Variants in VPS13C observed in about 807,000 individuals in gnomAD.
VPS13C encodes vacuolar protein sorting 13 homolog C, also known as intermembrane lipid transfer protein VPS13C.
VPS13C carries 358 observed loss-of-function variants against 456.8 expected under a neutral mutation model. That is an observed-to-expected ratio of 0.78 (90% CI 0.72 to 0.86). The LOEUF (loss-of-function observed/expected upper bound fraction) is 0.86. Among genes scored for constraint, VPS13C ranks in the 40% least tolerant of loss-of-function variants. VPS13C has a pLI of 0.00. For missense variants in VPS13C, 4,818 were observed against 4,385.4 expected (o/e 1.10, Z -2.79); for synonymous variants, 1,578 against 1,486.7 (o/e 1.06, Z -1.41).
chr15:61,917,997 A>G (rs542476436), intron 59 of VPS13C, 139 bp downstream of exon 59: 2 of 806,060 alleles, frequency 2.5e-6, no homozygotes, highest in Admixed American at 3.1e-5. Flanking sequence ...ATATAAATGT[A>G]TTTCTCAATG....
chr15:61,973,321 G>T, intron 26 of VPS13C, 133 bp downstream of exon 26: 1 of 673,596 alleles, frequency 1.5e-6, no homozygotes, highest in Non-Finnish European at 2.5e-6. Context: ...TCACACTAAT[G>T]TAGCACAACT....
intron 2 of VPS13C, 151 bp downstream of exon 2, chr15:62,044,061 C>A: frequency 1.9e-6 from 1 of 515,860 alleles, no homozygotes; most frequent in Non-Finnish European, 3.4e-6. Flanking sequence ...TCTTTAATCT[C>A]AGATTTTCCA....
In VPS13C at chr15:61,963,851, G is replaced by T. The variant is rs113616681; in HGVS notation, c.3315C>A (p.Ala1105=). The change falls in exon 32 of 85, where the codon GCC becomes GCA. Residue 1105 remains alanine (A), a synonymous_variant. Transcript: ENST00000644861. ...AACTTTTACCTTGAATCTTGATTTC[G>T]GCGATATTGTTCTTTTCGTTGCAAA... is the stretch of plus-strand genomic sequence containing the variant. ...VIVCNEKNNI[A]EIKIQGLDSS... is the part of the protein sequence containing the mutation. 6.2e-7 allele frequency: 1 copy of T among 1,606,788 alleles called. No individual in the cohort carries two copies. Among genetic ancestry groups the T allele is most frequent in the Non-Finnish European group, 8.5e-7 (1 of 1,176,414 alleles).
chr15:62,020,540 T>C lies in VPS13C; in HGVS notation c.625-2A>G, dbSNP rs2047425898. On this transcript the variant is annotated splice_acceptor_variant, in intron 8 of 84. Coordinates refer to ENST00000644861, the MANE Select transcript of VPS13C (RefSeq NM_020821.3). LOFTEE classifies it high-confidence loss of function. ...AAGAGGCCGCTTTGGATCAGTGACC[T>C]ACCAAAGAAGAAAAGATAACAGTAA... 6.2e-7 allele frequency: 1 copy of C among 1,611,010 alleles called. No individual in the cohort carries two copies. The highest frequency in any genetic ancestry group is 8.5e-7 in the Non-Finnish European group (1 of 1,178,198).
In VPS13C at chr15:61,929,746, A is replaced by G. The variant is rs749499813; in HGVS notation, c.6041T>C (p.Met2014Thr). 4 of 1,607,462 alleles carry G rather than the reference A, an allele frequency of 2.5e-6. No individual in the cohort carries two copies. The Admixed American group carries it at 6.7e-5, about 27-fold the overall frequency. The change falls in exon 51 of 85, where the codon ATG (methionine) becomes ACG (threonine). Residue 2014 changes from methionine to threonine, a missense_variant and splice_region_variant. Physicochemically the swap from Met to Thr is moderately conservative, Grantham distance 81 (BLOSUM62 -1). Coordinates refer to ENST00000644861, the MANE Select transcript of VPS13C (RefSeq NM_020821.3). The stretch of plus-strand genomic sequence containing the variant: ...ATCTTGGTCATTCTTTCTGTCAATC[A>G]TTCTGAAAAAAAACATGCTATTCAT... ...REGIERATSRMIDRKNDQDNN... is the reference protein window; with the variant it reads ...REGIERATSRTIDRKNDQDNN...
At chr15:61,884,874 A>G (rs992931396) in intron 67 of VPS13C, among the ~76,000 whole-genome samples, 5 of 152,116 alleles carry the variant, frequency 3.3e-5, no homozygotes, top group Admixed American at 2.6e-4. Flanking sequence ...TTGAGCATAT[A>G]TATCACTTGG....
At position 61,869,677 on chromosome 15, in the gene VPS13C, T is replaced by C. The variant is rs1046724212; in HGVS notation, c.10625-54A>G. The stretch of plus-strand genomic sequence containing the variant: ...TAAAGATATTTTTAAATGAGCAAGT[T>C]TGAGCTCAACCAAAACCTGGGCCAG... On this transcript the variant is annotated intron_variant, in intron 79 of 84. Coordinates refer to ENST00000644861, the MANE Select transcript of VPS13C (RefSeq NM_020821.3). The C allele has an allele frequency of 6.2e-6, 10 of 1,606,598 alleles. No homozygotes were observed. The Admixed American group carries it at 1.2e-4, about 19-fold the overall frequency.
Position 61,984,862 on chromosome 15 carries a change from T to A in VPS13C, c.1716A>T (p.Ala572=). Reference sequence around the variant, plus strand: ...ATAAGTTTTTAAAAACTTACTTAAGTGCTTGTGCTCCTGGTCGCTGAGATA... The same window carrying A: ...ATAAGTTTTTAAAAACTTACTTAAGAGCTTGTGCTCCTGGTCGCTGAGATA... The part of the protein sequence containing the change: ...TQVSQRPGAQ[A]LKVEAKLEHW... The change falls in exon 19 of 85, where the codon GCA becomes GCT. Residue 572 remains alanine (A), a synonymous_variant. Transcript: ENST00000644861. The A allele has an allele frequency of 1.2e-6, 2 of 1,613,176 alleles. No homozygotes were observed. Among genetic ancestry groups the A allele is most frequent in the Non-Finnish European group, 1.7e-6 (2 of 1,179,758 alleles).
Position 61,973,446 on chromosome 15 carries a change from T to G in VPS13C, c.2617+8A>C, listed in dbSNP as rs2140356896. 6.2e-7 allele frequency: 1 copy of G among 1,605,192 alleles called. No homozygotes were observed. The highest frequency in any genetic ancestry group is 2.2e-5 in the East Asian group (1 of 44,730). On this transcript the variant is annotated splice_region_variant and intron_variant, in intron 26 of 84. Coordinates refer to ENST00000644861, the MANE Select transcript of VPS13C (RefSeq NM_020821.3). Reference sequence around the variant, plus strand: ...TTTAATAGAGAAAGAGTATTTTACTTTCCTTACCTGATTCCACAGTGTCTA... The same window carrying G: ...TTTAATAGAGAAAGAGTATTTTACTGTCCTTACCTGATTCCACAGTGTCTA...
At chr15:61,877,102 A>G (rs751517579) in intron 74 of VPS13C, 48 bp from the exon 75 acceptor site, 1 of 1,433,144 alleles carries the variant, frequency 7.0e-7, no homozygotes, top group East Asian at 2.4e-5. Flanking sequence ...ATTATATGAT[A>G]AAAAAAGAGA....
intron 16 of VPS13C, among the ~76,000 whole-genome samples, chr15:61,996,957 T>C (rs2046404851): frequency 6.6e-6 from 1 of 150,518 alleles, no homozygotes; most frequent in South Asian, 2.1e-4. Context: ...ATCTTATACA[T>C]ATGGCTGTTT....
At chr15:62,010,354 C>T in intron 13 of VPS13C, 118 bp downstream of exon 13, 1 of 1,143,854 alleles carries the variant, frequency 8.7e-7, no homozygotes, top group Non-Finnish European at 1.2e-6. Flanking sequence ...TTTAAACAGT[C>T]AAATCTCAAC....
intron 27 of VPS13C, among the ~76,000 whole-genome samples, chr15:61,970,921 T>C (rs1240112222): frequency 7.8e-6 from 1 of 128,178 alleles, no homozygotes; most frequent in Non-Finnish European, 1.7e-5. Context: ...GCAAAGGAAA[T>C]AGCAAGCACA....
chr15:61,914,550 C>T (rs138479230), intron 61 of VPS13C, among the ~76,000 whole-genome samples: 1,662 of 151,658 alleles, frequency 0.011, 40 homozygotes, highest in African/African-American at 0.039. Flanking sequence ...GCCTGGGCAA[C>T]AAGAACAAAA....
intron 29 of VPS13C, among the ~76,000 whole-genome samples, chr15:61,966,866 A>AT (rs1294399036): frequency 6.6e-6 from 1 of 151,966 alleles, no homozygotes. Context: ...CAGACATCCA[A>AT]AAACACATCC....
chr15:62,047,271 A>G (rs1231459679), intron 1 of VPS13C, among the ~76,000 whole-genome samples: 1 of 151,872 alleles, frequency 6.6e-6, no homozygotes, highest in Admixed American at 6.6e-5. Context: ...TAAAAAAAAA[A>G]TCAAAAATTA....
chr15:61,877,782 T>G (rs2140895194), intron 74 of VPS13C, among the ~76,000 whole-genome samples: 1 of 152,116 alleles, frequency 6.6e-6, no homozygotes, highest in Admixed American at 6.6e-5. Context: ...TTTAAAATCT[T>G]TGATAATTTG....
chr15:61,982,476 T>C lies in VPS13C; in HGVS notation c.2012A>G (p.Lys671Arg), dbSNP rs760548991. 1.2e-6 allele frequency: 2 copies of C among 1,608,180 alleles called. No individual in the cohort carries two copies. The highest frequency in any genetic ancestry group is 2.7e-5 in the African/African-American group (2 of 74,856). Residue 671 changes from lysine to arginine, a missense_variant, in exon 21 of 85, where the codon AAG becomes AGG. By Grantham distance (26) the Lys-to-Arg change is conservative. Transcript: ENST00000644861. ...SATLMKLEEI[K>R]ERTATGLTHI... ...TTCTTCACCTGTAGCTGTTCTCTCC[T>C]TAATTTCTTCCAGCTTCATCAATGT...
chr15:61,958,621 T>C lies in VPS13C; in HGVS notation c.4152A>G (p.Arg1384=). 1 of 1,570,484 alleles carries C rather than the reference T, an allele frequency of 6.4e-7. No homozygotes were observed. Among genetic ancestry groups the C allele is most frequent in the Non-Finnish European group, 8.6e-7 (1 of 1,159,586 alleles). The change falls in exon 37 of 85, where the codon AGA becomes AGG. Residue 1384 remains arginine (R), a synonymous_variant. Coordinates refer to ENST00000644861, the MANE Select transcript of VPS13C (RefSeq NM_020821.3). ...TCAGCCTCTTACCTGTCTCTTGTACTCTTGGTTTCACTTTATCCAAGTCTT... is the reference window on the plus strand; with the variant it reads ...TCAGCCTCTTACCTGTCTCTTGTACCCTTGGTTTCACTTTATCCAAGTCTT... ...GTEDLDKVKP[R]VQETGEIKEP...
Sources: allele counts gnomAD v4.1 joint callset (sites outside exome capture counted in the v4.1 genomes callset), GRCh38; gene constraint gnomAD v4.1.1; transcripts MANE v1.5; gene names NCBI Gene and HGNC (gene_info 2026-07-23, HGNC 2026-07-21).